DCAF16: variants seen among roughly 807,000 people sequenced by gnomAD.
The protein encoded by DCAF16 is DDB1- and CUL4-associated factor 16.
In DCAF16, 10 loss-of-function variants were observed where a neutral mutation model predicts 17.3. The observed-to-expected ratio is 0.58, with a 90% CI of 0.36 to 0.98. DCAF16 has a LOEUF of 0.98. DCAF16 is among the 50% of genes least tolerant of loss of function. The pLI, the probability that DCAF16 is intolerant of heterozygous loss-of-function variation, is 0.01. For synonymous variants in DCAF16, 111 were observed against 92.8 expected, an observed-to-expected ratio of 1.20 and a Z score of -1.12; for missense variants, 249 against 247.6, an observed-to-expected ratio of 1.01 and a Z score of -0.04.
the DCAF16 span, among the ~76,000 whole-genome samples, chr4:17,793,928 T>C: frequency 6.6e-6 from 1 of 152,112 alleles, no homozygotes; most frequent in African/African-American, 2.4e-5. Context: ...GAAAAACCTA[T>C]CAGCATACAT....
chr4:17,807,976 TAA>T (rs1386474982), intron 1 of DCAF16, among the ~76,000 whole-genome samples: 1 of 152,102 alleles, frequency 6.6e-6, no homozygotes, highest in African/African-American at 2.4e-5. Flanking sequence ...GCTCAGTAAA[TAA>T]AAGAGTCAGA....
rs756273197 is a variant in DCAF16 at position 17,802,267 on chromosome 4, T to C, written c.*1224A>G. 6 of 152,628 alleles carry C rather than the reference T, an allele frequency of 3.9e-5. No individual in the cohort carries two copies. The highest frequency in any genetic ancestry group is 8.8e-5 in the Non-Finnish European group (6 of 68,018). 9.5% of individuals were successfully genotyped at this position (152,628 alleles called of 1,614,324 possible). A position where few individuals can be genotyped will look rare whatever the true frequency, so the allele number is the denominator to read the frequency against. ...GCTCTCTTAATCATTTTTCCATTCA[T>C]CTTTTGAAATGTTATTTACTCTTGA... is the stretch of plus-strand genomic sequence containing the variant. On this transcript the variant is annotated 3_prime_UTR_variant, in exon 3 of 3. Coordinates refer to ENST00000382247, the MANE Select transcript of DCAF16 (RefSeq NM_017741.4).
At chr4:17,794,675 C>T in the DCAF16 span, among the ~76,000 whole-genome samples, 61 of 152,226 alleles carry the variant, frequency 4.0e-4, no homozygotes, top group African/African-American at 1.4e-3. Flanking sequence ...TTCTGTGGCG[C>T]ACATCTTATT....
Position 17,808,730 on chromosome 4 carries a change from T to C in DCAF16, c.-750+1717A>G, listed in dbSNP as rs189214555. ...CTGTTGGTGAGACAGCCAAATAGAA[T>C]ATAGTAAAGAAATACTAGCCGGGCG... On this transcript the variant is annotated intron_variant, in intron 1 of 2. Transcript: ENST00000382247. Among the ~76,000 whole-genome samples the C allele has an allele frequency of 6.7e-3, 1,023 of 152,194 alleles. 16 individuals carry two copies. Among genetic ancestry groups the C allele is most frequent in the African/African-American group, 0.024 (985 of 41,524 alleles).
the DCAF16 span, among the ~76,000 whole-genome samples, chr4:17,795,597 A>T: frequency 6.6e-6 from 1 of 152,156 alleles, no homozygotes; most frequent in African/African-American, 2.4e-5. Flanking sequence ...TTATTTTCTA[A>T]TACATCTACT....
intron 1 of DCAF16, among the ~76,000 whole-genome samples, chr4:17,806,208 ATTAAT>A (rs1234125279): frequency 2.0e-5 from 3 of 152,212 alleles, no homozygotes; most frequent in African/African-American, 7.2e-5. Context: ...ATGAATATTC[ATTAAT>A]TTAATTACTC....
At position 17,804,407 on chromosome 4, in the gene DCAF16, T is replaced by C. The variant is rs1720115560; in HGVS notation, c.-266A>G. The stretch of plus-strand genomic sequence containing the variant: ...TGTAAAAGTATTAGTCACTTACCAC[T>C]GGCACAGGTCAGAGTATCTCCTTCA... On this transcript the variant is annotated 5_prime_UTR_variant, in exon 3 of 3. Coordinates refer to ENST00000382247, the MANE Select transcript of DCAF16 (RefSeq NM_017741.4). 6.4e-6 allele frequency: 3 copies of C among 469,126 alleles called. No individual in the cohort carries two copies. The South Asian group carries it at 7.4e-5, about 12-fold the overall frequency. The allele number at this position is 469,126 out of a possible 1,614,324, so 29.1% of individuals were successfully genotyped here.
rs753488342 is a variant in DCAF16, at chr4:17,803,672, C to G, written c.470G>C (p.Ser157Thr). 1.9e-6 allele frequency: 3 copies of G among 1,614,200 alleles called. No homozygotes were observed. The highest frequency in any genetic ancestry group is 2.5e-6 in the Non-Finnish European group (3 of 1,180,044). ...GTATTCAGGTATGGGAGTGGCTCTACTCAATGTTCGGCTTAGCTGTTTGGT... is the reference window on the plus strand; with the variant it reads ...GTATTCAGGTATGGGAGTGGCTCTAGTCAATGTTCGGCTTAGCTGTTTGGT... The part of the protein sequence containing the change: ...FATKQLSRTL[S>T]RATPIPEYLK... The change falls in exon 3 of 3, where the codon AGT becomes ACT. Residue 157 changes from serine to threonine, a missense_variant. Coordinates refer to ENST00000382247, the MANE Select transcript of DCAF16 (RefSeq NM_017741.4).
At chr4:17,806,503 T>C (rs998003137) in intron 1 of DCAF16, among the ~76,000 whole-genome samples, 13 of 152,166 alleles carry the variant, frequency 8.5e-5, no homozygotes, top group African/African-American at 3.1e-4. Flanking sequence ...AACAAAAACC[T>C]AATCCTATAA....
Position 17,803,328 on chromosome 4 carries a change from A to G in DCAF16, c.*163T>C, listed in dbSNP as rs1719969113. ...GTGTGAGCCACCATGCCTGACCTTG[A>G]TATTATCATTTTATCCACAGGGTTT... On this transcript the variant is annotated 3_prime_UTR_variant, in exon 3 of 3. Coordinates refer to ENST00000382247, the MANE Select transcript of DCAF16 (RefSeq NM_017741.4). 1 of 689,898 alleles carries G rather than the reference A, an allele frequency of 1.4e-6. No individual in the cohort carries two copies. The highest frequency in any genetic ancestry group is 1.9e-5 in the South Asian group (1 of 53,636). 42.7% of individuals were successfully genotyped at this position (689,898 alleles called of 1,614,324 possible).
rs899178610 is a variant in DCAF16 at position 17,801,517 on chromosome 4, T to C, written c.*1974A>G. 4 of 152,274 alleles carry C rather than the reference T, an allele frequency of 2.6e-5. No individual in the cohort carries two copies. The South Asian group carries it at 8.3e-4, about 32-fold the overall frequency. 9.4% of individuals were successfully genotyped at this position (152,274 alleles called of 1,614,324 possible). ...AAACTAAAATAAGGAAGAGGATATA[T>C]ATATAACTTTTCACAATCTCTTTTC... On this transcript the variant is annotated 3_prime_UTR_variant, in exon 3 of 3. Coordinates refer to ENST00000382247, the MANE Select transcript of DCAF16 (RefSeq NM_017741.4).
At position 17,800,732 on chromosome 4, in the gene DCAF16, T is replaced by C. The variant is rs1270052116; in HGVS notation, c.*2759A>G. ...TTCCTTTCGAAGTGAATAGCAAAAA[T>C]GCATTCATGAGCAAGGCACTTTTAT... On this transcript the variant is annotated 3_prime_UTR_variant, in exon 3 of 3. Coordinates refer to ENST00000382247, the MANE Select transcript of DCAF16 (RefSeq NM_017741.4). 6.6e-6 allele frequency: 1 copy of C among 152,578 alleles called. No homozygotes were observed. Among genetic ancestry groups the C allele is most frequent in the Non-Finnish European group, 1.5e-5 (1 of 68,046 alleles). The allele number at this position is 152,578 out of a possible 1,614,324, so 9.5% of individuals were successfully genotyped here. A position where few individuals can be genotyped will look rare whatever the true frequency, so the allele number is the denominator to read the frequency against.
At chr4:17,807,591 T>C (rs1720445708) in intron 1 of DCAF16, among the ~76,000 whole-genome samples, 1 of 152,260 alleles carries the variant, frequency 6.6e-6, no homozygotes, top group Middle Eastern at 3.4e-3. Flanking sequence ...GCAAAGAAAT[T>C]CCCGTATGAA....
In DCAF16 at chr4:17,801,308, T is replaced by C. The variant is rs954477096; in HGVS notation, c.*2183A>G. 6.6e-6 allele frequency: 1 copy of C among 152,170 alleles called. No homozygotes were observed. The highest frequency in any genetic ancestry group is 2.4e-5 in the African/African-American group (1 of 41,414). The allele number at this position is 152,170 out of a possible 1,614,324, so 9.4% of individuals were successfully genotyped here. Reference sequence around the variant, plus strand: ...CACGCCCGGCTAATTTTTATATTTTTAGTAGAGATGGGCTTTCACCATGTT... The same window carrying C: ...CACGCCCGGCTAATTTTTATATTTTCAGTAGAGATGGGCTTTCACCATGTT... On this transcript the variant is annotated 3_prime_UTR_variant, in exon 3 of 3. Coordinates refer to ENST00000382247, the MANE Select transcript of DCAF16 (RefSeq NM_017741.4).
downstream of DCAF16, among the ~76,000 whole-genome samples, chr4:17,797,822 T>C (rs1451401841): frequency 6.6e-6 from 1 of 152,158 alleles, no homozygotes. Flanking sequence ...GCTTAATTAA[T>C]TTATTGTAAA....
downstream of DCAF16, among the ~76,000 whole-genome samples, chr4:17,798,519 C>A (rs1719535141): frequency 6.6e-6 from 1 of 151,702 alleles, no homozygotes; most frequent in Non-Finnish European, 1.5e-5. Flanking sequence ...TGGCTTGAGC[C>A]CAGGAGGTCG....
Position 17,804,389 on chromosome 4 carries a change from G to A in DCAF16, c.-248C>T. 2.0e-6 allele frequency: 1 copy of A among 507,390 alleles called. No individual in the cohort carries two copies. Among genetic ancestry groups the A allele is most frequent in the South Asian group, 2.4e-5 (1 of 42,484 alleles). The allele number at this position is 507,390 out of a possible 1,614,324, so 31.4% of individuals were successfully genotyped here. A position where few individuals can be genotyped will look rare whatever the true frequency, so the allele number is the denominator to read the frequency against. ...TCCAGGACCAGTTCAGTGTGTAAAA[G>A]TATTAGTCACTTACCACTGGCACAG... On this transcript the variant is annotated 5_prime_UTR_variant, in exon 3 of 3. Coordinates refer to ENST00000382247, the MANE Select transcript of DCAF16 (RefSeq NM_017741.4).
In DCAF16 at chr4:17,802,414, T is replaced by A. The variant is rs865946813; in HGVS notation, c.*1077A>T. The A allele has an allele frequency of 6.6e-6, 1 of 152,188 alleles. No individual in the cohort carries two copies. Among genetic ancestry groups the A allele is most frequent in the African/African-American group, 2.4e-5 (1 of 41,432 alleles). The allele number at this position is 152,188 out of a possible 1,614,324, so 9.4% of individuals were successfully genotyped here. On this transcript the variant is annotated 3_prime_UTR_variant, in exon 3 of 3. Coordinates refer to ENST00000382247, the MANE Select transcript of DCAF16 (RefSeq NM_017741.4). ...GACAGCCTGGTGGGAGACTCCGATA[T>A]AGAACGTTCATGCTGTAATTTTAAG...
intron 1 of DCAF16, among the ~76,000 whole-genome samples, chr4:17,810,080 T>C (rs1257064171): frequency 1.3e-5 from 2 of 152,190 alleles, no homozygotes; most frequent in African/African-American, 2.4e-5. Flanking sequence ...TAGAAGTATA[T>C]TGTAGGGTGG....
Sources: gnomAD v4.1 joint callset for allele counts (sites outside exome capture counted in the v4.1 genomes callset) on GRCh38, gnomAD v4.1.1 for gene constraint, MANE v1.5 for transcripts, NCBI Gene and HGNC (gene_info 2026-07-23, HGNC 2026-07-21) for gene names.